Variants in RANBP2 observed in about 807,000 individuals in gnomAD.
RANBP2 encodes E3 SUMO-protein ligase RanBP2.
RANBP2 carries 57 observed loss-of-function variants against 303.6 expected under a neutral mutation model. That is an observed-to-expected ratio of 0.19 (90% CI 0.15 to 0.23). RANBP2 has a LOEUF of 0.23. RANBP2 is among the 10% of genes least tolerant of loss of function. RANBP2 has a pLI of 1.00. For synonymous variants in RANBP2, 1,167 were observed against 1,301.5 expected (o/e 0.90, Z 2.23); for missense variants, 3,138 against 3,780.8 (o/e 0.83, Z 4.46).
Position 108,782,331 on chromosome 2 carries a change from T to G in RANBP2, c.8964T>G (p.Thr2988=). ...AAGTGTGTGCAAACCACGTTATTAC[T>G]AAAACAATGGAATTAAAGCCCTTAA... The part of the protein sequence containing the change: ...VFKVCANHVI[T]KTMELKPLNV... Residue 2988 remains threonine (T), a synonymous_variant, in exon 27 of 29, where the codon ACT becomes ACG. Coordinates refer to ENST00000283195, the MANE Select transcript of RANBP2 (RefSeq NM_006267.5). 1 of 1,614,202 alleles carries G rather than the reference T, an allele frequency of 6.2e-7. No individual in the cohort carries two copies. Among genetic ancestry groups the G allele is most frequent in the South Asian group, 1.1e-5 (1 of 91,084 alleles).
the RANBP2 span, among the ~76,000 whole-genome samples, chr2:109,070,527 G>T: frequency 4.3e-4 from 66 of 152,110 alleles, 1 homozygote; most frequent in African/African-American, 1.2e-3. Flanking sequence ...TGGTGAGTGA[G>T]TTCTCAGTCT....
chr2:109,512,886 A>G, the RANBP2 span, among the ~76,000 whole-genome samples: 1 of 152,168 alleles, frequency 6.6e-6, no homozygotes, highest in East Asian at 1.9e-4. Flanking sequence ...CCAGTTCTTC[A>G]GGTCCACCAT....
the RANBP2 span, among the ~76,000 whole-genome samples, chr2:109,668,619 C>G: frequency 6.6e-6 from 1 of 152,116 alleles, no homozygotes; most frequent in South Asian, 2.1e-4. Context: ...GTGTCACATT[C>G]TAATGCAATC....
the RANBP2 span, among the ~76,000 whole-genome samples, chr2:108,999,263 G>A: frequency 3.7e-4 from 57 of 152,274 alleles, 3 homozygotes; most frequent in East Asian, 0.011. Flanking sequence ...CATTAAATGA[G>A]GTAACATAAA....
the RANBP2 span, among the ~76,000 whole-genome samples, chr2:109,223,663 T>C: frequency 6.6e-6 from 1 of 152,094 alleles, no homozygotes; most frequent in Non-Finnish European, 1.5e-5. Context: ...TCTCCATGGC[T>C]CTCCCCTGAA....
At chr2:109,301,520 C>T in the RANBP2 span, among the ~76,000 whole-genome samples, 513 of 152,214 alleles carry the variant, frequency 3.4e-3, 2 homozygotes, top group Non-Finnish European at 5.1e-3. Context: ...CAGCACAGGG[C>T]ATGCCAGGAC....
the RANBP2 span, among the ~76,000 whole-genome samples, chr2:109,326,325 T>C: frequency 6.6e-6 from 1 of 152,232 alleles, no homozygotes; most frequent in African/African-American, 2.4e-5. Context: ...GACTATCTAC[T>C]TCACAGTTAA....
the RANBP2 span, among the ~76,000 whole-genome samples, chr2:109,121,165 T>C: frequency 2.0e-5 from 3 of 151,950 alleles, no homozygotes; most frequent in Non-Finnish European, 4.4e-5. Flanking sequence ...GAGAATGACA[T>C]GCGCCCAGGA....
the RANBP2 span, among the ~76,000 whole-genome samples, chr2:109,248,218 A>G: frequency 6.6e-6 from 1 of 152,212 alleles, no homozygotes; most frequent in African/African-American, 2.4e-5. Flanking sequence ...GTTGATTCAG[A>G]TGAATAGGAG....
chr2:108,889,975 G>A, the RANBP2 span, among the ~76,000 whole-genome samples: 5 of 152,062 alleles, frequency 3.3e-5, no homozygotes, highest in African/African-American at 1.2e-4. Context: ...GATGGTAAAT[G>A]TTATTTTGCT....
chr2:109,194,612 A>G, the RANBP2 span, among the ~76,000 whole-genome samples: 20 of 152,136 alleles, frequency 1.3e-4, no homozygotes, highest in Non-Finnish European at 2.4e-4. Context: ...ACATATGCAC[A>G]CACAGGCACT....
At chr2:109,277,143 A>AG in the RANBP2 span, among the ~76,000 whole-genome samples, 1 of 152,172 alleles carries the variant, frequency 6.6e-6, no homozygotes, top group Non-Finnish European at 1.5e-5. Flanking sequence ...ATGGGGTGGC[A>AG]GGTCAGCCTT....
chr2:109,032,449 A>C, the RANBP2 span, among the ~76,000 whole-genome samples: 2 of 152,196 alleles, frequency 1.3e-5, no homozygotes, highest in Admixed American at 1.3e-4. Flanking sequence ...CTGTCTGGTG[A>C]AACTGCTCCT....
At chr2:109,305,938 C>T in the RANBP2 span, among the ~76,000 whole-genome samples, 1 of 152,236 alleles carries the variant, frequency 6.6e-6, no homozygotes, top group East Asian at 1.9e-4. Context: ...GCTGCTCCTC[C>T]AGCTGCCCCT....
the RANBP2 span, among the ~76,000 whole-genome samples, chr2:109,432,241 G>A: frequency 1.4e-4 from 22 of 152,294 alleles, no homozygotes; most frequent in African/African-American, 3.4e-4. Flanking sequence ...TGGGCAGGTG[G>A]AATCCTCCTA....
chr2:109,669,184 AT>A, the RANBP2 span, among the ~76,000 whole-genome samples: 2 of 152,240 alleles, frequency 1.3e-5, no homozygotes, highest in African/African-American at 4.8e-5. Flanking sequence ...AATCAAATGG[AT>A]TAAACACTTA....
At chr2:109,414,885 C>T in the RANBP2 span, among the ~76,000 whole-genome samples, 1 of 152,238 alleles carries the variant, frequency 6.6e-6, no homozygotes, top group Non-Finnish European at 1.5e-5. Context: ...GGCCCCCACA[C>T]ATGTCCAAGT....
chr2:109,711,853 T>C, the RANBP2 span, among the ~76,000 whole-genome samples: 1 of 152,100 alleles, frequency 6.6e-6, no homozygotes, highest in Non-Finnish European at 1.5e-5. Context: ...GTGTTTATCA[T>C]CTGTTGAGCC....
downstream of RANBP2, among the ~76,000 whole-genome samples, chr2:108,790,807 A>G (rs1679785509): frequency 6.6e-6 from 1 of 152,202 alleles, no homozygotes; most frequent in South Asian, 2.1e-4. Context: ...CTGTGAGTGC[A>G]GTAGCATAAT....
Sources: gnomAD v4.1 joint callset for allele counts (sites outside exome capture counted in the v4.1 genomes callset) on GRCh38, gnomAD v4.1.1 for gene constraint, MANE v1.5 for transcripts, NCBI Gene and HGNC (gene_info 2026-07-23, HGNC 2026-07-21) for gene names.